The following CHRM1 variants were observed in gnomAD, a reference collection of about 807,000 sequenced individuals.
The protein encoded by CHRM1 is cholinergic receptor muscarinic 1.
A neutral mutation model predicts 31.6 loss-of-function variants in CHRM1; 5 were observed. That is an observed-to-expected ratio of 0.16 (90% confidence interval 0.08 to 0.33). The LOEUF is 0.33. CHRM1 is among the 10% of genes least tolerant of loss of function. CHRM1 has a pLI of 1.00. For missense variants in CHRM1, 338 were observed against 610.3 expected (o/e 0.55, Z 4.70); for synonymous variants, 227 against 249.7 (o/e 0.91, Z 0.86).
intron 1 of CHRM1, among the ~76,000 whole-genome samples, chr11:62,916,086 A>T (rs997045387): frequency 2.6e-5 from 4 of 152,164 alleles, no homozygotes; most frequent in African/African-American, 9.7e-5. Flanking sequence ...CTGGGATTAT[A>T]GGCATGAGCC....
chr11:62,913,284 T>C (rs1188961328), intron 1 of CHRM1, among the ~76,000 whole-genome samples: 2 of 152,204 alleles, frequency 1.3e-5, no homozygotes, highest in African/African-American at 2.4e-5. Context: ...TCAATGCATG[T>C]AAGGTGCTTA....
chr11:62,917,344 C>G (rs1158687239), intron 1 of CHRM1, among the ~76,000 whole-genome samples: 1 of 152,216 alleles, frequency 6.6e-6, no homozygotes, highest in East Asian at 1.9e-4. Flanking sequence ...GGGCTTGAAG[C>G]TGCATTTGCA....
intron 1 of CHRM1, among the ~76,000 whole-genome samples, chr11:62,912,108 C>A (rs1399173283): frequency 6.6e-6 from 1 of 151,576 alleles, no homozygotes; most frequent in South Asian, 2.1e-4. Context: ...GTGGCTCACA[C>A]CTGTAATCCC....
intron 1 of CHRM1, among the ~76,000 whole-genome samples, chr11:62,919,864 C>T (rs72931336): frequency 0.052 from 7,925 of 152,244 alleles, 270 homozygotes; most frequent in Middle Eastern, 0.11. Context: ...TGTCCCTTTC[C>T]CTTTCTCAGC....
intron 1 of CHRM1, among the ~76,000 whole-genome samples, chr11:62,914,334 T>C (rs990888736): frequency 6.6e-6 from 1 of 152,186 alleles, no homozygotes; most frequent in African/African-American, 2.4e-5. Context: ...GAACTAGGAT[T>C]TGAGCCCAAG....
Position 62,910,439 on chromosome 11 carries a change from T to C in CHRM1, c.662A>G (p.Glu221Gly), listed in dbSNP as rs2085864581. 1 of 1,613,508 alleles carries C rather than the reference T, an allele frequency of 6.2e-7. No individual in the cohort carries two copies. Among genetic ancestry groups the C allele is most frequent in the African/African-American group, 1.3e-5 (1 of 74,916 alleles). The change falls in exon 2 of 2, where the codon GAG (glutamate) becomes GGG (glycine). Residue 221 changes from glutamate to glycine, a missense_variant. By Grantham distance (98) the Glu-to-Gly change is moderately conservative. Transcript: ENST00000306960. This position sits in a 1 kb window ranked among gnomAD's most constrained non-coding sequence, Gnocchi z 8.7. ...IYRETENRAR[E>G]LAALQGSETP... Reference sequence around the variant, plus strand: ...CTCGGAGCCCTGAAGGGCTGCCAGCTCCCGTGCTCGGTTCTCTGTCTCCCG... The same window carrying C: ...CTCGGAGCCCTGAAGGGCTGCCAGCCCCCGTGCTCGGTTCTCTGTCTCCCG...
intron 1 of CHRM1, among the ~76,000 whole-genome samples, chr11:62,916,531 C>A (rs1209111957): frequency 6.6e-6 from 1 of 152,160 alleles, no homozygotes; most frequent in Non-Finnish European, 1.5e-5. Flanking sequence ...GGTGAGGAAG[C>A]CGGCAGTCCC....
At chr11:62,919,446 A>T (rs2085919150) in intron 1 of CHRM1, among the ~76,000 whole-genome samples, 1 of 152,138 alleles carries the variant, frequency 6.6e-6, no homozygotes. Flanking sequence ...CAGTTGCCTG[A>T]CTTTGGCCAG....
rs774268894 is a variant in CHRM1, at chr11:62,910,675, T to C, written c.426A>G (p.Ala142=). The C allele has an allele frequency of 1.9e-6, 3 of 1,613,980 alleles. No individual in the cohort carries two copies. In the South Asian group the frequency reaches 3.3e-5, roughly 18 times the overall value. The change falls in exon 2 of 2, where the codon GCA becomes GCG. Residue 142 remains alanine (A), a synonymous_variant. Transcript: ENST00000306960. The surrounding 1 kb of genome is among the most constrained non-coding windows in gnomAD (Gnocchi z 8.7). ...SYRAKRTPRR[A]ALMIGLAWLV... The stretch of plus-strand genomic sequence containing the variant: ...GCCAGGCCAGGCCGATCATCAGAGC[T>C]GCCCGGCGGGGTGTGCGCTTGGCAC...
At chr11:62,911,299 C>T (rs1225266739) in intron 1 of CHRM1, 121 bp from the exon 2 acceptor site, 4 of 593,066 alleles carry the variant, frequency 6.7e-6, no homozygotes, top group Admixed American at 3.1e-5. Flanking sequence ...GCATCACCCT[C>T]CCTTACCGGT....
At position 62,910,169 on chromosome 11, in the gene CHRM1, G is replaced by A; in HGVS notation, c.932C>T (p.Ala311Val). 6.2e-7 allele frequency: 1 copy of A among 1,603,236 alleles called. No individual in the cohort carries two copies. Among genetic ancestry groups the A allele is most frequent in the East Asian group, 2.2e-5 (1 of 44,786 alleles). Residue 311 changes from alanine to valine, a missense_variant, in exon 2 of 2, where the codon GCA becomes GTA. By Grantham distance (64) the Ala-to-Val change is moderately conservative (BLOSUM62 0). Transcript: ENST00000306960. This position sits in a 1 kb window ranked among gnomAD's most constrained non-coding sequence, Gnocchi z 8.7. ...TGGGGGCTGCTTGGTGGGGGCCTGT[G>A]CCTCGGGGTCCACCATTGGCATCTT... ...VIKMPMVDPE[A>V]QAPTKQPPRS...
Position 62,913,168 on chromosome 11 carries a change from T to G in CHRM1, c.-78-1990A>C, listed in dbSNP as rs149046056. On this transcript the variant is annotated intron_variant, in intron 1 of 1. Transcript: ENST00000306960. Reference sequence around the variant, plus strand: ...TCCTGTTCACTGGATGTGTGATTATTGCTAGTGATATAACTTCTATATGCC... The same window carrying G: ...TCCTGTTCACTGGATGTGTGATTATGGCTAGTGATATAACTTCTATATGCC... Among the ~76,000 whole-genome samples, 4 of 152,344 alleles carry G rather than the reference T, an allele frequency of 2.6e-5. No individual in the cohort carries two copies. In the East Asian group the frequency reaches 7.7e-4, roughly 29 times the overall value.
intron 1 of CHRM1, among the ~76,000 whole-genome samples, chr11:62,915,701 C>T (rs1177809708): frequency 2.0e-5 from 3 of 152,154 alleles, no homozygotes; most frequent in Non-Finnish European, 4.4e-5. Flanking sequence ...ACCAGTCGAC[C>T]TTTCATTCCC....
At chr11:62,915,489 G>C (rs1271952325) in intron 1 of CHRM1, among the ~76,000 whole-genome samples, 1 of 152,190 alleles carries the variant, frequency 6.6e-6, no homozygotes, top group Non-Finnish European at 1.5e-5. Flanking sequence ...CAGCCAGCCT[G>C]TGGGCTGGAA....
At position 62,909,144 on chromosome 11, in the gene CHRM1, T is replaced by C. The variant is rs2085852669; in HGVS notation, c.*574A>G. On this transcript the variant is annotated 3_prime_UTR_variant, in exon 2 of 2. Coordinates refer to ENST00000306960, the MANE Select transcript of CHRM1 (RefSeq NM_000738.3). ...CTTGCTGATGCTTGGACATTTGCCT[T>C]GGAGTTGACCCACCTAGGGACCCTC... The C allele has an allele frequency of 6.5e-6, 1 of 153,662 alleles. No individual in the cohort carries two copies. The highest frequency in any genetic ancestry group is 2.4e-5 in the African/African-American group (1 of 41,444). The allele number at this position is 153,662 out of a possible 1,614,324, so 9.5% of individuals were successfully genotyped here.
In CHRM1 at chr11:62,910,723, G is replaced by A. The variant is rs566585504; in HGVS notation, c.378C>T (p.Ser126=). The A allele has an allele frequency of 7.4e-6, 12 of 1,614,180 alleles. No homozygotes were observed. The highest frequency in any genetic ancestry group is 4.0e-5 in the African/African-American group (3 of 75,048). ...CACGGTAGCTCAGGGGCCGAGTCACGGAGAAGTAGCGGTCAAAGCTGATGA... is the reference window on the plus strand; with the variant it reads ...CACGGTAGCTCAGGGGCCGAGTCACAGAGAAGTAGCGGTCAAAGCTGATGA... The part of the protein sequence containing the change: ...LLLISFDRYF[S]VTRPLSYRAK... The change falls in exon 2 of 2, where the codon TCC becomes TCT. Residue 126 remains serine, a synonymous_variant. Transcript: ENST00000306960. This position sits in a 1 kb window ranked among gnomAD's most constrained non-coding sequence, Gnocchi z 8.7.
chr11:62,910,570 C>T lies in CHRM1; in HGVS notation c.531G>A (p.Gln177=), dbSNP rs1455788465. The T allele has an allele frequency of 2.5e-6, 4 of 1,614,192 alleles. No individual in the cohort carries two copies. The highest frequency in any genetic ancestry group is 3.4e-6 in the Non-Finnish European group (4 of 1,180,030). ...LVGERTVLAG[Q]CYIQFLSQPI... is the part of the protein sequence containing the mutation. ...GCTGGGAGAGGAACTGGATGTAGCACTGCCCAGCTAGCACTGTCCGCTCCC... is the reference window on the plus strand; with the variant it reads ...GCTGGGAGAGGAACTGGATGTAGCATTGCCCAGCTAGCACTGTCCGCTCCC... The change falls in exon 2 of 2, where the codon CAG becomes CAA. Residue 177 remains glutamine, a synonymous_variant. Transcript: ENST00000306960. The surrounding 1 kb of genome is among the most constrained non-coding windows in gnomAD (Gnocchi z 8.7).
chr11:62,914,985 A>G (rs1245539944), intron 1 of CHRM1, among the ~76,000 whole-genome samples: 1 of 152,116 alleles, frequency 6.6e-6, no homozygotes, highest in East Asian at 1.9e-4. Flanking sequence ...GACCAGCCTC[A>G]GCAACTTGGT....
At chr11:62,914,539 A>G (rs935567727) in intron 1 of CHRM1, among the ~76,000 whole-genome samples, 3 of 152,234 alleles carry the variant, frequency 2.0e-5, no homozygotes, top group African/African-American at 4.8e-5. Context: ...TTCCCCAGTG[A>G]GGCCACTGGT....
Sources: allele counts gnomAD v4.1 joint callset (sites outside exome capture counted in the v4.1 genomes callset), GRCh38; gene constraint gnomAD v4.1.1; non-coding constraint Gnocchi (gnomAD v3.1); transcripts MANE v1.5; gene names NCBI Gene and HGNC (gene_info 2026-07-23, HGNC 2026-07-21).